Variants in ZSWIM6 observed in about 807,000 individuals in gnomAD.
ZSWIM6 encodes the protein zinc finger SWIM domain-containing protein 6.
Under a neutral mutation model 113.2 loss-of-function variants are expected in ZSWIM6, and 9 were observed. That is an observed-to-expected ratio of 0.08 (90% CI 0.05 to 0.14). The LOEUF (loss-of-function observed/expected upper bound fraction) is 0.14. Ranked by LOEUF, ZSWIM6 falls within the 10% of genes least tolerant of loss-of-function variation. The pLI is 1.00. For synonymous variants in ZSWIM6, 611 were observed against 606.5 expected, an observed-to-expected ratio of 1.01 and a Z score of -0.11; for missense variants, 1,162 against 1,552.2, an observed-to-expected ratio of 0.75 and a Z score of 4.22.
At chr5:61,459,413 AAC>A (rs1747277400) in intron 1 of ZSWIM6, among the ~76,000 whole-genome samples, 1 of 152,210 alleles carries the variant, frequency 6.6e-6, no homozygotes, top group Non-Finnish European at 1.5e-5. Context: ...AGTAAGTAAA[AAC>A]ACATTTCTAT....
intron 4 of ZSWIM6, among the ~76,000 whole-genome samples, 154 bp from the exon 5 acceptor site, chr5:61,521,109 A>G (rs942254394): frequency 6.6e-6 from 1 of 152,034 alleles, no homozygotes; most frequent in Admixed American, 6.6e-5. Flanking sequence ...TTTAAAATTT[A>G]TAATTAACTT....
At chr5:61,542,494 T>C (rs1304318196) in intron 13 of ZSWIM6, among the ~76,000 whole-genome samples, 1 of 152,200 alleles carries the variant, frequency 6.6e-6, no homozygotes, top group Non-Finnish European at 1.5e-5. Flanking sequence ...CCAGCAAGAA[T>C]GCCAACAGAA....
At chr5:61,365,042 T>C (rs1745121920) in intron 1 of ZSWIM6, among the ~76,000 whole-genome samples, 1 of 152,188 alleles carries the variant, frequency 6.6e-6, no homozygotes, top group Non-Finnish European at 1.5e-5. Flanking sequence ...TTATGGTTCA[T>C]AGCCTTTTTG....
At chr5:61,407,674 G>T (rs1746071006) in intron 1 of ZSWIM6, among the ~76,000 whole-genome samples, 1 of 152,116 alleles carries the variant, frequency 6.6e-6, no homozygotes, top group Non-Finnish European at 1.5e-5. Flanking sequence ...ATGGGCAAAG[G>T]TGATGATTTA....
chr5:61,415,585 C>CT (rs1364939258), intron 1 of ZSWIM6, among the ~76,000 whole-genome samples: 1 of 146,830 alleles, frequency 6.8e-6, no homozygotes. Flanking sequence ...GAGTGAGACT[C>CT]TGTCTCCAAA....
chr5:61,426,092 T>G (rs1196531099), intron 1 of ZSWIM6, among the ~76,000 whole-genome samples: 1 of 152,192 alleles, frequency 6.6e-6, no homozygotes, highest in Admixed American at 6.5e-5. Context: ...TTAAAACATT[T>G]GACACAGTTA....
intron 2 of ZSWIM6, 82 bp downstream of exon 2, chr5:61,473,119 A>G: frequency 2.2e-6 from 2 of 919,128 alleles, no homozygotes; most frequent in Non-Finnish European, 3.1e-6. Flanking sequence ...ATAAAAGTGA[A>G]TTAAATGTGA....
chr5:61,516,788 T>C (rs1221945644), intron 4 of ZSWIM6, among the ~76,000 whole-genome samples: 1 of 151,936 alleles, frequency 6.6e-6, no homozygotes, highest in African/African-American at 2.4e-5. Flanking sequence ...CTTCTGATAC[T>C]ATTTCTCCTC....
intron 1 of ZSWIM6, among the ~76,000 whole-genome samples, chr5:61,398,474 A>G (rs1745883656): frequency 6.6e-6 from 1 of 152,138 alleles, no homozygotes; most frequent in Admixed American, 6.6e-5. Flanking sequence ...CCTTTATAGC[A>G]TCAGCTCTCC....
rs558614642 is a variant in ZSWIM6, at chr5:61,333,710, T to TTA, written c.676+763_676+764dup. On this transcript the variant is annotated intron_variant, in intron 1 of 13. Transcript: ENST00000252744. ...ATCTCGCCCGTAGGACGCTTACTAA[T>TTA]TAAAGGGCGCGAGCCTGAGGAGGAG... Among the ~76,000 whole-genome samples, 590 of 152,128 alleles carry TTA rather than the reference T, an allele frequency of 3.9e-3. 3 individuals are homozygous for TTA. Among genetic ancestry groups the TTA allele is most frequent in the Non-Finnish European group, 5.6e-3 (381 of 67,954 alleles).
At chr5:61,396,723 A>G (rs1455837223) in intron 1 of ZSWIM6, among the ~76,000 whole-genome samples, 6 of 152,134 alleles carry the variant, frequency 3.9e-5, no homozygotes, top group Admixed American at 6.5e-5. Flanking sequence ...TTGGTGGGTT[A>G]TCTACACTTT....
chr5:61,395,968 A>T (rs111718428), intron 1 of ZSWIM6, among the ~76,000 whole-genome samples: 1 of 152,090 alleles, frequency 6.6e-6, no homozygotes, highest in East Asian at 1.9e-4. Flanking sequence ...TTAGATCAGT[A>T]TATTGCTTGG....
chr5:61,425,931 T>C (rs1476553476), intron 1 of ZSWIM6, among the ~76,000 whole-genome samples: 2 of 152,192 alleles, frequency 1.3e-5, no homozygotes, highest in East Asian at 1.9e-4. Context: ...TAGTAAGAAA[T>C]GGGCAGATAA....
intron 1 of ZSWIM6, among the ~76,000 whole-genome samples, chr5:61,444,493 T>C (rs1384761386): frequency 2.0e-5 from 3 of 152,144 alleles, no homozygotes; most frequent in African/African-American, 7.2e-5. Flanking sequence ...AAATGGTATT[T>C]CTAGTTCTAG....
intron 1 of ZSWIM6, among the ~76,000 whole-genome samples, chr5:61,359,847 C>A (rs546061733): frequency 9.9e-4 from 151 of 151,886 alleles, no homozygotes; most frequent in African/African-American, 1.6e-3. Context: ...GGAAAAAAAA[C>A]AAAACAAAAC....
rs2112214215 is a variant in ZSWIM6 at position 61,490,772 on chromosome 5, C to A, written c.1034-14C>A. 1 of 1,541,714 alleles carries A rather than the reference C, an allele frequency of 6.5e-7. No homozygotes were observed. Among genetic ancestry groups the A allele is most frequent in the South Asian group, 1.2e-5 (1 of 83,012 alleles). ...ATCTAGCCTGTGTGTTATTATTTTTCTTTCTATTTCTAGGTGCTCCTGATC... is the reference window on the plus strand; with the variant it reads ...ATCTAGCCTGTGTGTTATTATTTTTATTTCTATTTCTAGGTGCTCCTGATC... On this transcript the variant is annotated splice_polypyrimidine_tract_variant and intron_variant, in intron 2 of 13. Coordinates refer to ENST00000252744, the MANE Select transcript of ZSWIM6 (RefSeq NM_020928.2).
At chr5:61,451,824 GA>G (rs1747092187) in intron 1 of ZSWIM6, among the ~76,000 whole-genome samples, 1 of 152,058 alleles carries the variant, frequency 6.6e-6, no homozygotes, top group African/African-American at 2.4e-5. Flanking sequence ...TATAGAGATG[GA>G]AAAAATTTTA....
chr5:61,338,553 GTGT>G (rs920067195), intron 1 of ZSWIM6, among the ~76,000 whole-genome samples: 31 of 152,150 alleles, frequency 2.0e-4, no homozygotes, highest in African/African-American at 7.2e-4. Context: ...TAGGTCCTTA[GTGT>G]TGTTCTGAAG....
At chr5:61,372,987 TTATAAAAA>T (rs1260529097) in intron 1 of ZSWIM6, among the ~76,000 whole-genome samples, 1 of 152,198 alleles carries the variant, frequency 6.6e-6, no homozygotes, top group African/African-American at 2.4e-5. Context: ...GAATATATTC[TTATAAAAA>T]TAAAAATATT....
Sources: allele counts gnomAD v4.1 joint callset (sites outside exome capture counted in the v4.1 genomes callset), GRCh38; gene constraint gnomAD v4.1.1; transcripts MANE v1.5; gene names NCBI Gene and HGNC (gene_info 2026-07-23, HGNC 2026-07-21).